Variants in RAPGEF2 observed in about 807,000 individuals in gnomAD.
RAPGEF2 encodes the protein Rap guanine nucleotide exchange factor 2.
In RAPGEF2, 54 loss-of-function variants were observed where a neutral mutation model predicts 186.7. The ratio of observed to expected loss-of-function variants is 0.29; its 90% confidence interval spans 0.23 to 0.36. The LOEUF (loss-of-function observed/expected upper bound fraction) is 0.36. Among genes scored for constraint, RAPGEF2 ranks in the 10% least tolerant of loss-of-function variants. RAPGEF2 has a pLI of 1.00. For missense variants in RAPGEF2, 1,532 were observed against 2,045.0 expected (o/e 0.75, Z 4.84); for synonymous variants, 712 against 705.9 (o/e 1.01, Z -0.14).
chr4:159,104,765 A>G (rs994755902), intron 1 of RAPGEF2, among the ~76,000 whole-genome samples: 2 of 152,146 alleles, frequency 1.3e-5, no homozygotes, highest in African/African-American at 4.8e-5. Context: ...GGAAACCTGT[A>G]CGGTTGTGCT....
chr4:159,278,047 A>T (rs1234215229), intron 7 of RAPGEF2, among the ~76,000 whole-genome samples: 1 of 152,178 alleles, frequency 6.6e-6, no homozygotes. Flanking sequence ...GGTATTGCCT[A>T]GGTTTTCTTC....
intron 1 of RAPGEF2, among the ~76,000 whole-genome samples, chr4:159,104,534 C>CAGAG (rs1209953581): frequency 8.3e-4 from 52 of 62,496 alleles, no homozygotes; most frequent in Admixed American, 2.2e-3. Flanking sequence ...GAGGGAGAGA[C>CAGAG]AGAGAGAGAG....
intron 7 of RAPGEF2, 53 bp from the exon 8 acceptor site, chr4:159,304,289 C>A: frequency 6.7e-7 from 1 of 1,482,032 alleles, no homozygotes; most frequent in Non-Finnish European, 9.2e-7. Flanking sequence ...AAAATGTCTT[C>A]TTGGAGTTCT....
chr4:159,142,553 T>TG (rs1205531370), intron 1 of RAPGEF2, among the ~76,000 whole-genome samples: 1 of 151,584 alleles, frequency 6.6e-6, no homozygotes, highest in East Asian at 1.9e-4. Context: ...AAATTGGGTA[T>TG]GAATGGGTAA....
chr4:159,235,955 G>A (rs1435418632), intron 4 of RAPGEF2, among the ~76,000 whole-genome samples: 1 of 152,168 alleles, frequency 6.6e-6, no homozygotes, highest in Non-Finnish European at 1.5e-5. Context: ...CTTTGTCACT[G>A]ATCAGGCCTA....
At chr4:159,304,931 C>T (rs1482456856) in intron 8 of RAPGEF2, among the ~76,000 whole-genome samples, 3 of 152,114 alleles carry the variant, frequency 2.0e-5, no homozygotes, top group Non-Finnish European at 1.5e-5. Context: ...TGACTGAAAA[C>T]GTGGTATTTG....
chr4:159,353,270 G>A lies in RAPGEF2; in HGVS notation c.4092-217G>A, dbSNP rs948487825. ...TTTTTTTTTTTTAATGGCACGTTGC[G>A]TTCTTTTCCCGCATGCCTGTTTTAT... On this transcript the variant is annotated intron_variant, in intron 27 of 29. Coordinates refer to ENST00000691494, the MANE Select transcript of RAPGEF2 (RefSeq NM_001394067.2). The surrounding 1 kb of genome is among the most constrained non-coding windows in gnomAD (Gnocchi z 4.3). Among the ~76,000 whole-genome samples, 1 of 150,592 alleles carries A rather than the reference G, an allele frequency of 6.6e-6. No individual in the cohort carries two copies. The highest frequency in any genetic ancestry group is 1.9e-4 in the East Asian group (1 of 5,150).
chr4:159,268,924 CA>C (rs1374804433), intron 7 of RAPGEF2, among the ~76,000 whole-genome samples: 1 of 152,132 alleles, frequency 6.6e-6, no homozygotes, highest in East Asian at 1.9e-4. Flanking sequence ...TGGCATCACA[CA>C]AATTCACATG....
At chr4:159,164,983 G>GA (rs1343806652) in intron 1 of RAPGEF2, among the ~76,000 whole-genome samples, 2 of 152,032 alleles carry the variant, frequency 1.3e-5, no homozygotes, top group African/African-American at 4.8e-5. Flanking sequence ...ACATACTGTT[G>GA]AAAATCTTTA....
chr4:159,259,398 G>A (rs1383045232), intron 7 of RAPGEF2, among the ~76,000 whole-genome samples: 2 of 152,192 alleles, frequency 1.3e-5, no homozygotes, highest in African/African-American at 4.8e-5. Context: ...ATGGACTTTG[G>A]TTGATGAATC....
At chr4:159,234,659 C>T (rs754563381) in intron 4 of RAPGEF2, among the ~76,000 whole-genome samples, 2 of 150,548 alleles carry the variant, frequency 1.3e-5, no homozygotes, top group African/African-American at 4.9e-5. Context: ...AGGTTCATGC[C>T]GTTTATTGGC....
chr4:159,342,566 ATTT>A (rs1381011870), intron 20 of RAPGEF2, among the ~76,000 whole-genome samples: 8 of 131,448 alleles, frequency 6.1e-5, no homozygotes, highest in Non-Finnish European at 1.3e-4. Context: ...ATTTTATTTT[ATTT>A]TATTTTATTT....
At position 159,353,897 on chromosome 4, in the gene RAPGEF2, A is replaced by G. The variant is rs1561343366; in HGVS notation, c.4502A>G (p.Asp1501Gly). 6.2e-7 allele frequency: 1 copy of G among 1,614,072 alleles called. No individual in the cohort carries two copies. Among genetic ancestry groups the G allele is most frequent in the African/African-American group, 1.3e-5 (1 of 74,924 alleles). Reference protein sequence around the residue: ...TGYWGEDSEGDTGTIKRRGGK... With the variant: ...TGYWGEDSEGGTGTIKRRGGK... ...TACTGGGGAGAAGACTCAGAAGGTG[A>G]CACAGGCACAATAAAGCGGAGGGGT... Residue 1501 changes from aspartate to glycine, a missense_variant, in exon 28 of 30, where the codon GAC (aspartate) becomes GGC (glycine). Asp to Gly is a moderately conservative substitution (Grantham distance 94). Around this residue, in one of 4 missense-constraint regions of RAPGEF2, gnomAD observed 594 missense variants for 608.5 expected, o/e 0.98. Transcript: ENST00000691494. This position sits in a 1 kb window ranked among gnomAD's most constrained non-coding sequence, Gnocchi z 4.3.
chr4:159,356,209 G>A (rs1731985731), intron 29 of RAPGEF2, 51 bp downstream of exon 29: 1 of 1,535,872 alleles, frequency 6.5e-7, no homozygotes, highest in Non-Finnish European at 8.9e-7. Context: ...GTGTTCACTT[G>A]TGCTGCTTCC....
rs745332671 is a variant in RAPGEF2, at chr4:159,353,545, T to C, written c.4150T>C (p.Ser1384Pro). 1 of 1,543,996 alleles carries C rather than the reference T, an allele frequency of 6.5e-7. No homozygotes were observed. ...ATATGCTACAGCTACAGTAATTTCT[T>C]CTCCAAGCACAGAGGAACTTTCCCA... ...GLYATATVIS[S>P]PSTEELSQDQ... is the part of the protein sequence containing the mutation. The change falls in exon 28 of 30, where the codon TCT becomes CCT. Residue 1384 changes from serine to proline, a missense_variant. Coordinates refer to ENST00000691494, the MANE Select transcript of RAPGEF2 (RefSeq NM_001394067.2). This position sits in a 1 kb window ranked among gnomAD's most constrained non-coding sequence, Gnocchi z 4.3.
chr4:159,219,995 G>T (rs970002832), intron 4 of RAPGEF2, among the ~76,000 whole-genome samples: 95 of 152,174 alleles, frequency 6.2e-4, no homozygotes, highest in African/African-American at 8.0e-4. Flanking sequence ...AAAGTGTTTT[G>T]AGAAGGTTCA....
intron 7 of RAPGEF2, among the ~76,000 whole-genome samples, chr4:159,264,832 C>G (rs954033817): frequency 6.6e-6 from 1 of 152,110 alleles, no homozygotes; most frequent in African/African-American, 2.4e-5. Flanking sequence ...ACTCTGGTAT[C>G]TAGAGTAGAG....
intron 4 of RAPGEF2, among the ~76,000 whole-genome samples, chr4:159,236,086 A>G (rs779541613): frequency 6.6e-6 from 1 of 152,194 alleles, no homozygotes; most frequent in Non-Finnish European, 1.5e-5. Context: ...TCCCTTGCTA[A>G]TGTGTGTTCT....
chr4:159,201,471 G>A (rs1749404353), intron 3 of RAPGEF2, among the ~76,000 whole-genome samples: 1 of 152,206 alleles, frequency 6.6e-6, no homozygotes, highest in Non-Finnish European at 1.5e-5. Flanking sequence ...GAAAACCTCT[G>A]ATCTCAACTG....
Sources: allele counts gnomAD v4.1 joint callset (sites outside exome capture counted in the v4.1 genomes callset), GRCh38; gene constraint gnomAD v4.1.1; regional missense constraint gnomAD v4.1.1; non-coding constraint Gnocchi (gnomAD v3.1); transcripts MANE v1.5; gene names NCBI Gene and HGNC (gene_info 2026-07-23, HGNC 2026-07-21).